TET1: variants seen among roughly 807,000 people sequenced by gnomAD.
TET1 encodes tet methylcytosine dioxygenase 1.
A neutral mutation model predicts 148.7 loss-of-function variants in TET1; 13 were observed. The observed-to-expected ratio is 0.09, with a 90% CI of 0.06 to 0.14. TET1 has a LOEUF of 0.14. Among genes scored for constraint, TET1 ranks in the 10% least tolerant of loss-of-function variants. The pLI is 1.00. For synonymous variants in TET1, 907 were observed against 937.2 expected, an observed-to-expected ratio of 0.97 and a Z score of 0.59; for missense variants, 2,182 against 2,553.8, an observed-to-expected ratio of 0.85 and a Z score of 3.14.
Position 68,645,853 on chromosome 10 carries a change from A to C in TET1, c.3124A>C (p.Asn1042His). 6.2e-7 allele frequency: 1 copy of C among 1,614,166 alleles called. No homozygotes were observed. The highest frequency in any genetic ancestry group is 8.5e-7 in the Non-Finnish European group (1 of 1,180,020). ...SNDLHQLPPRNNEVEYCNQLL... is the reference protein window; with the variant it reads ...SNDLHQLPPRHNEVEYCNQLL... ...TGATTTGCATCAGTTGCCACCAAGA[A>C]ATAATGAAGTGGAGTATTGCAACCA... The change falls in exon 4 of 12, where the codon AAT becomes CAT. Residue 1042 changes from asparagine to histidine, a missense_variant. Asn to His is a moderately conservative substitution (Grantham distance 68). This residue lies in a region of TET1 where 582 missense variants were observed against 599.5 expected (regional missense o/e 0.97). Transcript: ENST00000373644.
intron 3 of TET1, among the ~76,000 whole-genome samples, chr10:68,619,256 A>T (rs2054336443): frequency 6.6e-6 from 1 of 152,016 alleles, no homozygotes; most frequent in Non-Finnish European, 1.5e-5. Flanking sequence ...TTTGAGCCAG[A>T]GTCTCTATCA....
At chr10:68,606,563 A>C (rs919765741) in intron 3 of TET1, among the ~76,000 whole-genome samples, 14 of 152,068 alleles carry the variant, frequency 9.2e-5, no homozygotes, top group Non-Finnish European at 2.9e-5. Flanking sequence ...TAAGTACTAG[A>C]TCAAATACTA....
chr10:68,661,225 G>GTTTTTTTTTTTTT (rs1564498225), intron 6 of TET1, among the ~76,000 whole-genome samples: 7 of 94,832 alleles, frequency 7.4e-5, no homozygotes, highest in African/African-American at 2.3e-4. Flanking sequence ...TTTTTTTGTA[G>GTTTTTTTTTTTTT]TTTTAGTAGA....
At position 68,692,878 on chromosome 10, in the gene TET1, C is replaced by T. The variant is rs1385601211; in HGVS notation, c.*1064C>T. The T allele has an allele frequency of 1.3e-5, 3 of 230,918 alleles. No homozygotes were observed. Among genetic ancestry groups the T allele is most frequent in the Non-Finnish European group, 2.6e-5 (3 of 117,176 alleles). The allele number at this position is 230,918 out of a possible 1,614,324, so 14.3% of individuals were successfully genotyped here. The stretch of plus-strand genomic sequence containing the variant: ...GAAGAGTCAAATGCTTCTAATGTCT[C>T]AAGGTGATAAAATACAAAAACTAAG... On this transcript the variant is annotated 3_prime_UTR_variant, in exon 12 of 12. Transcript: ENST00000373644.
At chr10:68,591,053 T>C (rs1215526043) in intron 2 of TET1, among the ~76,000 whole-genome samples, 3 of 151,776 alleles carry the variant, frequency 2.0e-5, no homozygotes, top group Non-Finnish European at 4.4e-5. Flanking sequence ...TGGGGTTTCT[T>C]CATGTTGGTC....
chr10:68,565,055 T>C (rs1024406221), intron 1 of TET1, among the ~76,000 whole-genome samples: 9 of 152,050 alleles, frequency 5.9e-5, no homozygotes, highest in African/African-American at 2.2e-4. Context: ...TTGAGAAACA[T>C]TGAAATATCA....
intron 9 of TET1, 128 bp from the exon 10 acceptor site, chr10:68,682,708 C>T (rs905855494): frequency 4.7e-6 from 5 of 1,064,704 alleles, no homozygotes; most frequent in Middle Eastern, 6.3e-4. Flanking sequence ...GACAATAATA[C>T]ATTTAGTCTC....
chr10:68,691,966 A>T lies in TET1; in HGVS notation c.*152A>T. 1.1e-6 allele frequency: 1 copy of T among 890,190 alleles called. No individual in the cohort carries two copies. Among genetic ancestry groups the T allele is most frequent in the Non-Finnish European group, 1.7e-6 (1 of 600,432 alleles). The allele number at this position is 890,190 out of a possible 1,614,324, so 55.1% of individuals were successfully genotyped here. On this transcript the variant is annotated 3_prime_UTR_variant, in exon 12 of 12. Transcript: ENST00000373644. The surrounding 1 kb of genome is among the most constrained non-coding windows in gnomAD (Gnocchi z 4.4). Reference sequence around the variant, plus strand: ...ATAATGATAACAAAACGGGGTGGGTATTCTTAACTGTGACTATATTTTGAC... The same window carrying T: ...ATAATGATAACAAAACGGGGTGGGTTTTCTTAACTGTGACTATATTTTGAC...
At position 68,663,183 on chromosome 10, in the gene TET1, C is replaced by G. The variant is rs142367209; in HGVS notation, c.4462-3862C>G. Among the ~76,000 whole-genome samples, 82 of 152,252 alleles carry G rather than the reference C, an allele frequency of 5.4e-4. 2 individuals are homozygous for G. In the East Asian group the frequency reaches 0.015, roughly 28 times the overall value. ...ATTTTCCTGACATGATGCTCATTTA[C>G]CCTTCCATATGAACCTTAGAAGCAC... On this transcript the variant is annotated intron_variant, in intron 6 of 11. Transcript: ENST00000373644.
At chr10:68,565,689 A>G (rs2053600869) in intron 1 of TET1, among the ~76,000 whole-genome samples, 1 of 152,058 alleles carries the variant, frequency 6.6e-6, no homozygotes, top group Admixed American at 6.6e-5. Context: ...TGCCTCCACA[A>G]ATTTCAGGAT....
chr10:68,654,922 T>C (rs548284379), intron 6 of TET1, among the ~76,000 whole-genome samples: 243 of 152,360 alleles, frequency 1.6e-3, no homozygotes, highest in Middle Eastern at 6.8e-3. Flanking sequence ...CTTAGCTCTT[T>C]GATGGCTGTT....
At chr10:68,667,731 G>A (rs1368389604) in intron 7 of TET1, among the ~76,000 whole-genome samples, 4 of 148,512 alleles carry the variant, frequency 2.7e-5, no homozygotes, top group African/African-American at 5.0e-5. Flanking sequence ...GTGACAGAGC[G>A]AGACTCCATC....
intron 6 of TET1, among the ~76,000 whole-genome samples, chr10:68,664,813 C>T (rs1174972540): frequency 6.6e-6 from 1 of 150,884 alleles, no homozygotes; most frequent in African/African-American, 2.4e-5. Context: ...GAGTTTCTGT[C>T]GCCCATGCTG....
chr10:68,647,271 A>T (rs1299317899), intron 4 of TET1, among the ~76,000 whole-genome samples: 4 of 152,192 alleles, frequency 2.6e-5, no homozygotes, highest in Non-Finnish European at 4.4e-5. Context: ...ATATCTCTCA[A>T]TGTTGAATGT....
chr10:68,654,186 C>CA (rs1283475596), intron 6 of TET1, among the ~76,000 whole-genome samples: 8 of 146,040 alleles, frequency 5.5e-5, no homozygotes, highest in African/African-American at 1.8e-4. Flanking sequence ...AAAGGAGTGA[C>CA]AAAAAACAAA....
chr10:68,641,743 C>T (rs910553039), intron 3 of TET1, among the ~76,000 whole-genome samples: 3 of 152,028 alleles, frequency 2.0e-5, no homozygotes, highest in African/African-American at 7.3e-5. Context: ...CCTCGTGATC[C>T]GCTCACGTTT....
chr10:68,599,038 G>A (rs1464639258), intron 2 of TET1, among the ~76,000 whole-genome samples: 2 of 152,180 alleles, frequency 1.3e-5, no homozygotes, highest in African/African-American at 4.8e-5. Flanking sequence ...AGGGGTGGGT[G>A]AGTGAGAGGT....
At chr10:68,596,027 C>CATATATATATATATAT (rs1554932889) in intron 2 of TET1, among the ~76,000 whole-genome samples, 19 of 61,754 alleles carry the variant, frequency 3.1e-4, no homozygotes, top group African/African-American at 1.1e-3. Context: ...CACACACACA[C>CATATATATATATATAT]ATATATATAT....
intron 6 of TET1, among the ~76,000 whole-genome samples, chr10:68,662,801 G>A (rs537495765): frequency 6.6e-6 from 1 of 152,294 alleles, no homozygotes; most frequent in South Asian, 2.1e-4. Flanking sequence ...TACTTGGGAG[G>A]GTTAGGCGGA....
Sources: gnomAD v4.1 joint callset for allele counts (sites outside exome capture counted in the v4.1 genomes callset) on GRCh38, gnomAD v4.1.1 for gene constraint, gnomAD v4.1.1 regional missense constraint, Gnocchi (gnomAD v3.1) non-coding constraint, MANE v1.5 for transcripts, NCBI Gene and HGNC (gene_info 2026-07-23, HGNC 2026-07-21) for gene names.